Variants in CADM2 observed in about 807,000 individuals in gnomAD.
CADM2 encodes the protein immunoglobulin superfamily member 4D.
In CADM2, 12 loss-of-function variants were observed where a neutral mutation model predicts 49.8. That is an observed-to-expected ratio of 0.24 (90% confidence interval 0.15 to 0.39). The LOEUF (loss-of-function observed/expected upper bound fraction) is 0.39. CADM2 is among the 10% of genes least tolerant of loss of function. CADM2 has a pLI of 1.00. For missense variants in CADM2, 378 were observed against 492.3 expected (o/e 0.77, Z 2.20); for synonymous variants, 214 against 175.4 (o/e 1.22, Z -1.74).
chr3:85,992,732 T>A (rs757216114), intron 8 of CADM2: 3 of 152,218 alleles, frequency 2.0e-5, no homozygotes, highest in Non-Finnish European at 4.4e-5. Flanking sequence ...ATGCTAATGA[T>A]CGTCTGAGTC....
chr3:85,953,290 A>G (rs2108592578), intron 7 of CADM2, among the ~76,000 whole-genome samples: 1 of 150,980 alleles, frequency 6.6e-6, no homozygotes, highest in South Asian at 2.1e-4. Flanking sequence ...ATTACTCCCA[A>G]CTCAATTATC....
At chr3:85,348,272 T>C (rs1023054894) in intron 1 of CADM2, among the ~76,000 whole-genome samples, 3 of 152,180 alleles carry the variant, frequency 2.0e-5, no homozygotes, top group Non-Finnish European at 4.4e-5. Flanking sequence ...CTTATGTTCT[T>C]TTAAGGCTGT....
intron 8 of CADM2, among the ~76,000 whole-genome samples, chr3:85,987,572 A>G (rs1320806168): frequency 6.8e-6 from 1 of 147,962 alleles, no homozygotes; most frequent in Non-Finnish European, 1.5e-5. Context: ...TTTATATAAT[A>G]TACATGTTAA....
At chr3:85,266,006 A>G (rs952181594) in intron 1 of CADM2, among the ~76,000 whole-genome samples, 20 of 151,912 alleles carry the variant, frequency 1.3e-4, no homozygotes, top group Non-Finnish European at 8.8e-5. Flanking sequence ...CTTTTCAAAC[A>G]GTAACTTGTT....
At chr3:85,606,790 C>T (rs1241521411) in intron 1 of CADM2, among the ~76,000 whole-genome samples, 1 of 151,956 alleles carries the variant, frequency 6.6e-6, no homozygotes, top group African/African-American at 2.4e-5. Context: ...ATAAAATATC[C>T]TGGCTTTTTT....
At chr3:85,423,156 GA>G (rs776590820) in intron 1 of CADM2, among the ~76,000 whole-genome samples, 3 of 152,062 alleles carry the variant, frequency 2.0e-5, no homozygotes, top group Non-Finnish European at 4.4e-5. Context: ...CAGACCTCCA[GA>G]CAAACTCCTC....
At chr3:85,543,328 T>A (rs1278265465) in intron 1 of CADM2, among the ~76,000 whole-genome samples, 1 of 151,258 alleles carries the variant, frequency 6.6e-6, no homozygotes, top group Non-Finnish European at 1.5e-5. Context: ...AATCTCTGTT[T>A]ACCGCAACCT....
intron 1 of CADM2, among the ~76,000 whole-genome samples, chr3:85,154,618 A>T (rs1411501487): frequency 6.6e-6 from 1 of 151,218 alleles, no homozygotes. Context: ...GAGAAGAGCA[A>T]CTCCAAGACA....
At chr3:84,980,437 C>A (rs191631189) in intron 1 of CADM2, among the ~76,000 whole-genome samples, 1 of 152,068 alleles carries the variant, frequency 6.6e-6, no homozygotes, top group East Asian at 1.9e-4. Context: ...TTTCCACATG[C>A]GCATGTTCTC....
At chr3:85,247,068 T>A (rs978580895) in intron 1 of CADM2, among the ~76,000 whole-genome samples, 2 of 152,006 alleles carry the variant, frequency 1.3e-5, no homozygotes, top group African/African-American at 4.8e-5. Context: ...ATAAAAAAAA[T>A]TAGGAGCTTA....
intron 8 of CADM2, among the ~76,000 whole-genome samples, chr3:86,055,354 G>A (rs1737794005): frequency 6.6e-6 from 1 of 151,548 alleles, no homozygotes; most frequent in Admixed American, 6.6e-5. Flanking sequence ...TTCAATGTTT[G>A]GTGAGGGCCT....
At chr3:85,035,522 C>T (rs1277475109) in intron 1 of CADM2, among the ~76,000 whole-genome samples, 1 of 152,114 alleles carries the variant, frequency 6.6e-6, no homozygotes, top group Admixed American at 6.6e-5. Flanking sequence ...GAGTTTTCCC[C>T]AAAGTTTTCT....
chr3:85,950,484 G>T (rs1723299702), intron 7 of CADM2, among the ~76,000 whole-genome samples: 1 of 151,094 alleles, frequency 6.6e-6, no homozygotes, highest in Non-Finnish European at 1.5e-5. Context: ...CAATGTGACT[G>T]CTTTGTTTTT....
chr3:85,721,419 T>A (rs1388489218), intron 1 of CADM2, among the ~76,000 whole-genome samples: 2 of 152,186 alleles, frequency 1.3e-5, no homozygotes, highest in African/African-American at 4.8e-5. Flanking sequence ...TGGGCTCATT[T>A]CACTCACTTG....
chr3:85,648,158 A>G (rs541693920), intron 1 of CADM2, among the ~76,000 whole-genome samples: 61 of 152,046 alleles, frequency 4.0e-4, no homozygotes, highest in African/African-American at 1.4e-3. Context: ...AAGTTAATTA[A>G]AATTTCCCAT....
At chr3:85,318,846 A>G (rs1005567287) in intron 1 of CADM2, among the ~76,000 whole-genome samples, 2 of 152,120 alleles carry the variant, frequency 1.3e-5, no homozygotes. Context: ...AAAATATCCA[A>G]TATTACGTTC....
chr3:86,014,951 A>G (rs577272107), intron 8 of CADM2: 195 of 1,436,026 alleles, frequency 1.4e-4, no homozygotes, highest in Non-Finnish European at 1.9e-4. Flanking sequence ...AGCGTCTTAA[A>G]GCATATTTAA....
chr3:85,262,405 G>A (rs1485915008), intron 1 of CADM2, among the ~76,000 whole-genome samples: 1 of 151,942 alleles, frequency 6.6e-6, no homozygotes, highest in Non-Finnish European at 1.5e-5. Context: ...ACAAAAGCAA[G>A]GACAGATGAA....
intron 7 of CADM2, among the ~76,000 whole-genome samples, chr3:85,958,472 G>A (rs117351601): frequency 7.3e-5 from 11 of 151,676 alleles, no homozygotes; most frequent in East Asian, 2.0e-4. Context: ...AATATAAATC[G>A]TTCTAATATA....
Sources: allele counts gnomAD v4.1 joint callset (sites outside exome capture counted in the v4.1 genomes callset), GRCh38; gene constraint gnomAD v4.1.1; transcripts MANE v1.5; gene names NCBI Gene and HGNC (gene_info 2026-07-23, HGNC 2026-07-21).